The following TTC39B variants were observed in gnomAD, a reference collection of about 807,000 sequenced individuals.
TTC39B encodes the protein tetratricopeptide repeat protein 39B.
In TTC39B, 92 loss-of-function variants were observed where a neutral mutation model predicts 96.6. The observed-to-expected ratio is 0.95, with a 90% CI of 0.80 to 1.13. The LOEUF is 1.13. TTC39B is among the 50% of genes most tolerant of loss of function. The probability of loss-of-function intolerance (pLI) is 0.00; values close to 1 mark genes in which losing one functional copy is unlikely to be tolerated. For missense variants in TTC39B, 955 were observed against 809.3 expected (o/e 1.18, Z -2.18); for synonymous variants, 367 against 299.4 (o/e 1.23, Z -2.33).
chr9:15,288,147 T>C (rs1033548406), intron 1 of TTC39B, among the ~76,000 whole-genome samples: 3 of 152,096 alleles, frequency 2.0e-5, no homozygotes, highest in African/African-American at 7.2e-5. Flanking sequence ...AATCTCAATG[T>C]TTTCTATCAA....
At chr9:15,198,008 G>C (rs371933291) in intron 8 of TTC39B, among the ~76,000 whole-genome samples, 45 of 152,186 alleles carry the variant, frequency 3.0e-4, no homozygotes, top group African/African-American at 9.9e-4. Flanking sequence ...TAGTCTGAAA[G>C]TAAACAGGAA....
exon 20 of TTC39B, chr9:15,169,157 A>G (rs535459978): frequency 2.3e-4 from 35 of 152,288 alleles, no homozygotes; most frequent in African/African-American, 7.0e-4. Flanking sequence ...CTTCCTCGGC[A>G]CTGATTAATC....
intron 2 of TTC39B, among the ~76,000 whole-genome samples, chr9:15,259,787 T>G (rs958804758): frequency 1.3e-5 from 2 of 152,156 alleles, no homozygotes; most frequent in East Asian, 3.8e-4. Flanking sequence ...TCAAGGAGCA[T>G]CTATCTGTAC....
chr9:15,171,918 T>G, exon 20 of TTC39B: 2 of 843,082 alleles, frequency 2.4e-6, no homozygotes, highest in East Asian at 2.8e-5. Context: ...ACTGTTTTTT[T>G]GTCTCTTATT....
At chr9:15,281,599 T>G (rs891276467) in intron 1 of TTC39B, among the ~76,000 whole-genome samples, 2 of 104,526 alleles carry the variant, frequency 1.9e-5, no homozygotes, top group African/African-American at 7.7e-5. Context: ...TATCCTCCAC[T>G]CCTACCAACA....
At chr9:15,292,161 G>C (rs1467015572) in intron 1 of TTC39B, among the ~76,000 whole-genome samples, 1 of 152,218 alleles carries the variant, frequency 6.6e-6, no homozygotes, top group African/African-American at 2.4e-5. Context: ...GGATGCCACA[G>C]CATGTATGCC....
intron 1 of TTC39B, among the ~76,000 whole-genome samples, chr9:15,292,506 G>C (rs1050032485): frequency 1.3e-5 from 2 of 152,108 alleles, no homozygotes; most frequent in African/African-American, 4.8e-5. Flanking sequence ...TGATTTTAGA[G>C]GGTACCCTTC....
chr9:15,177,938 C>G (rs552475949), intron 17 of TTC39B, 124 bp from the exon 18 acceptor site: 64 of 514,982 alleles, frequency 1.2e-4, no homozygotes, highest in South Asian at 3.9e-4. Flanking sequence ...GGCGCAATCT[C>G]GGCTCACTGC....
intron 18 of TTC39B, among the ~76,000 whole-genome samples, chr9:15,176,741 C>A (rs572485280): frequency 2.0e-5 from 3 of 152,274 alleles, no homozygotes; most frequent in Admixed American, 1.3e-4. Flanking sequence ...AGTGTGGCTA[C>A]ACTCTTCAGA....
At chr9:15,275,901 G>A (rs1194026308) in intron 1 of TTC39B, among the ~76,000 whole-genome samples, 6 of 152,198 alleles carry the variant, frequency 3.9e-5, no homozygotes, top group African/African-American at 1.4e-4. Flanking sequence ...TACACACAAT[G>A]CCTTTAAGAT....
chr9:15,294,243 A>G (rs1351002910), intron 1 of TTC39B, among the ~76,000 whole-genome samples: 1 of 151,832 alleles, frequency 6.6e-6, no homozygotes, highest in Non-Finnish European at 1.5e-5. Flanking sequence ...AGCGCAGTAC[A>G]CTGCTTTAGG....
chr9:15,268,096 T>C (rs1200843734), intron 1 of TTC39B, 148 bp from the exon 2 acceptor site: 2 of 595,672 alleles, frequency 3.4e-6, no homozygotes, highest in Non-Finnish European at 5.7e-6. Flanking sequence ...ACTTAACGCT[T>C]ATGGAATTCT....
At chr9:15,227,801 A>T (rs1372418283) in intron 2 of TTC39B, among the ~76,000 whole-genome samples, 1 of 152,178 alleles carries the variant, frequency 6.6e-6, no homozygotes, top group Non-Finnish European at 1.5e-5. Context: ...TCCCCTTTTC[A>T]CATTTGCCTT....
At chr9:15,249,876 A>C in intron 2 of TTC39B, 1 of 1,199,444 alleles carries the variant, frequency 8.3e-7, no homozygotes, top group Non-Finnish European at 1.1e-6. Flanking sequence ...GAACATTTGA[A>C]TCATAAACCC....
intron 1 of TTC39B, among the ~76,000 whole-genome samples, chr9:15,286,427 G>A (rs756582395): frequency 6.6e-6 from 1 of 152,162 alleles, no homozygotes; most frequent in Admixed American, 6.5e-5. Context: ...CAGGTTAGAC[G>A]ACTACAGAAC....
At chr9:15,225,715 G>C (rs572257790) in intron 3 of TTC39B, among the ~76,000 whole-genome samples, 1 of 152,210 alleles carries the variant, frequency 6.6e-6, no homozygotes, top group Admixed American at 6.5e-5. Context: ...TCATGTAACA[G>C]TGCCACCTAT....
At chr9:15,181,234 C>T (rs1477868638) in intron 17 of TTC39B, among the ~76,000 whole-genome samples, 1 of 152,136 alleles carries the variant, frequency 6.6e-6, no homozygotes, top group African/African-American at 2.4e-5. Flanking sequence ...TGTTTCCCCA[C>T]CATTCCTGAA....
chr9:15,271,580 A>G, intron 1 of TTC39B, among the ~76,000 whole-genome samples: 1 of 151,730 alleles, frequency 6.6e-6, no homozygotes, highest in Non-Finnish European at 1.5e-5. Flanking sequence ...CTCTCACGCC[A>G]CCGCTGATCT....
At chr9:15,209,443 C>T (rs1243739090) in intron 6 of TTC39B, among the ~76,000 whole-genome samples, 1 of 152,074 alleles carries the variant, frequency 6.6e-6, no homozygotes, top group Non-Finnish European at 1.5e-5. Flanking sequence ...ATCAAAATTA[C>T]TTTCACTTTG....
Sources: gnomAD v4.1 joint callset for allele counts (sites outside exome capture counted in the v4.1 genomes callset) on GRCh38, gnomAD v4.1.1 for gene constraint, MANE v1.5 for transcripts, NCBI Gene and HGNC (gene_info 2026-07-23, HGNC 2026-07-21) for gene names.